BSCL2: variants seen among roughly 807,000 people sequenced by gnomAD.
BSCL2 encodes seipin.
BSCL2 carries 41 observed loss-of-function variants against 57.4 expected under a neutral mutation model. The ratio of observed to expected loss-of-function variants is 0.71; its 90% CI spans 0.56 to 0.93. The LOEUF (loss-of-function observed/expected upper bound fraction) is 0.93, where lower values mean the gene tolerates loss of function less well. Ranked by LOEUF, BSCL2 falls within the 40% of genes least tolerant of loss-of-function variation. The probability of loss-of-function intolerance (pLI) is 0.00; values close to 1 mark genes in which losing one functional copy is unlikely to be tolerated. For missense variants in BSCL2, 539 were observed against 586.7 expected (o/e 0.92, Z 0.84); for synonymous variants, 237 against 227.3 (o/e 1.04, Z -0.38).
At chr11:62,704,187 C>G (rs1590883832) in intron 2 of BSCL2, among the ~76,000 whole-genome samples, 1 of 145,210 alleles carries the variant, frequency 6.9e-6, no homozygotes, top group East Asian at 2.1e-4. Context: ...TGGCTCACGT[C>G]TGTAATCCCA....
intron 3 of BSCL2, among the ~76,000 whole-genome samples, chr11:62,696,103 G>A (rs998204342): frequency 1.3e-5 from 2 of 152,148 alleles, no homozygotes; most frequent in Admixed American, 6.5e-5. Context: ...CCCGAGAGGC[G>A]GAGGTTGCAG....
intron 3 of BSCL2, among the ~76,000 whole-genome samples, chr11:62,701,177 C>T (rs1945627009): frequency 6.6e-6 from 1 of 152,080 alleles, no homozygotes. Context: ...GGTAGATGCC[C>T]ATCTTATTCC....
intron 2 of BSCL2, among the ~76,000 whole-genome samples, chr11:62,703,151 A>T (rs1309339174): frequency 1.4e-4 from 1 of 6,936 alleles, no homozygotes; most frequent in Non-Finnish European, 3.1e-4. Context: ...ACTCCATCTC[A>T]AAAAAAAAAA....
At chr11:62,691,449 T>C in intron 6 of BSCL2, 28 bp from the exon 7 acceptor site, 3 of 1,612,714 alleles carry the variant, frequency 1.9e-6, no homozygotes, top group Non-Finnish European at 2.5e-6. Flanking sequence ...GACAAGAAGG[T>C]AGTAGCAGTT....
intron 1 of BSCL2, chr11:62,706,528 C>T: frequency 4.4e-6 from 2 of 451,688 alleles, no homozygotes; most frequent in Non-Finnish European, 8.9e-6. Flanking sequence ...CCCTGCAGGC[C>T]CCAAGATGTG....
chr11:62,692,948 C>T lies in BSCL2; in HGVS notation c.631-151G>A, dbSNP rs570919057. On this transcript the variant is annotated intron_variant, in intron 4 of 10. Coordinates refer to ENST00000360796, the MANE Select transcript of BSCL2 (RefSeq NM_001122955.4). ...ACCTTCACTTCCTACCCCTCAGTCT[C>T]ATCCAACCATTCCAATTGCTTGAGT... is the stretch of plus-strand genomic sequence containing the variant. 1.5e-5 allele frequency: 14 copies of T among 943,584 alleles called. No individual in the cohort carries two copies. The African/African-American group carries it at 1.8e-4, about 12-fold the overall frequency. The allele number at this position is 943,584 out of a possible 1,614,324, so 58.5% of individuals were successfully genotyped here.
intron 3 of BSCL2, among the ~76,000 whole-genome samples, chr11:62,695,407 T>TAA (rs779692168): frequency 4.4e-5 from 6 of 136,262 alleles, no homozygotes; most frequent in Admixed American, 7.3e-5. Context: ...GGTAATGGGT[T>TAA]AAAAAAAAAA....
chr11:62,702,291 C>T (rs1456101998), intron 3 of BSCL2, among the ~76,000 whole-genome samples, 177 bp downstream of exon 3: 1 of 152,188 alleles, frequency 6.6e-6, no homozygotes, highest in East Asian at 1.9e-4. Context: ...GTCTCGAACT[C>T]CCAACCTCAG....
chr11:62,705,584 A>C lies in BSCL2; in HGVS notation c.121T>G (p.Trp41Gly). The change falls in exon 2 of 11, where the codon TGG (tryptophan) becomes GGG (glycine). Residue 41 changes from tryptophan (W) to glycine (G), a missense_variant. Trp to Gly is a radical substitution (Grantham distance 184, BLOSUM62 -2). Coordinates refer to ENST00000360796, the MANE Select transcript of BSCL2 (RefSeq NM_001122955.4). ...CTAGCTGCTCTGCCACCTGGACGCCACCCCTGGCCATGGGATGCAGCAGCT... is the reference window on the plus strand; with the variant it reads ...CTAGCTGCTCTGCCACCTGGACGCCCCCCCTGGCCATGGGATGCAGCAGCT... ...PPAAASHGQG[W>G]RPGGRAARNA... 6.4e-7 allele frequency: 1 copy of C among 1,566,378 alleles called. No individual in the cohort carries two copies. The highest frequency in any genetic ancestry group is 8.7e-7 in the Non-Finnish European group (1 of 1,152,376).
chr11:62,708,050 C>T (rs2134751018), upstream of BSCL2: 2 of 543,602 alleles, frequency 3.7e-6, no homozygotes, highest in Non-Finnish European at 6.6e-6. Flanking sequence ...AGCCTTAAAT[C>T]ATTTGTGTAA....
chr11:62,694,198 T>A (rs1410964026), intron 4 of BSCL2, among the ~76,000 whole-genome samples: 2 of 76,048 alleles, frequency 2.6e-5, no homozygotes, highest in African/African-American at 6.1e-5. Context: ...AGACATTCTT[T>A]TTTTTTTTTT....
chr11:62,693,089 T>C (rs1201055290), intron 4 of BSCL2, among the ~76,000 whole-genome samples: 1 of 152,202 alleles, frequency 6.6e-6, no homozygotes, highest in South Asian at 2.1e-4. Context: ...CAAGTAGTTC[T>C]GTAATCCAGT....
Position 62,705,623 on chromosome 11 carries a change from AAG to A in BSCL2, c.88-8_88-7del. On this transcript the variant is annotated splice_region_variant and splice_polypyrimidine_tract_variant and intron_variant, in intron 1 of 10. Coordinates refer to ENST00000360796, the MANE Select transcript of BSCL2 (RefSeq NM_001122955.4). Reference sequence around the variant, plus strand: ...GATGCAGCAGCTGGTGGTTCCTGGAAAGAGAGGGTGAGGGAAAAGAGTGACTC... The same window carrying A: ...GATGCAGCAGCTGGTGGTTCCTGGAAAGAGGGTGAGGGAAAAGAGTGACTC... 2 of 1,511,798 alleles carry A rather than the reference AAG, an allele frequency of 1.3e-6. No individual in the cohort carries two copies. The highest frequency in any genetic ancestry group is 1.8e-6 in the Non-Finnish European group (2 of 1,124,692). The allele number at this position is 1,511,798 out of a possible 1,614,324, so 93.6% of individuals were successfully genotyped here. A position where few individuals can be genotyped will look rare whatever the true frequency, so the allele number is the denominator to read the frequency against.
chr11:62,698,253 C>T (rs890546085), intron 3 of BSCL2, among the ~76,000 whole-genome samples: 23 of 150,672 alleles, frequency 1.5e-4, no homozygotes, highest in African/African-American at 5.6e-4. Flanking sequence ...GGCTGGAGTA[C>T]AGTGGCATGA....
At position 62,705,347 on chromosome 11, in the gene BSCL2, A is replaced by G; in HGVS notation, c.358T>C (p.Tyr120His). The change falls in exon 2 of 11, where the codon TAT becomes CAT. Residue 120 changes from tyrosine (Y) to histidine (H), a missense_variant. Coordinates refer to ENST00000360796, the MANE Select transcript of BSCL2 (RefSeq NM_001122955.4). ...CTGAGGTGGCTGACTGTCGGCATAT[A>G]GGAATAGTAGAAGGAGCCATAGAGG... ...VFLYGSFYYS[Y>H]MPTVSHLSPV... 6.2e-7 allele frequency: 1 copy of G among 1,613,984 alleles called. No individual in the cohort carries two copies. Among genetic ancestry groups the G allele is most frequent in the Non-Finnish European group, 8.5e-7 (1 of 1,179,948 alleles).
At chr11:62,707,700 G>A, upstream of BSCL2, 1 of 358,020 alleles carries the variant, frequency 2.8e-6, no homozygotes, top group South Asian at 2.6e-5. Flanking sequence ...CATCCTTCAG[G>A]TACCAGCCAT....
Position 62,707,175 on chromosome 11 carries a change from G to T in BSCL2, c.21C>A (p.Asp7Glu). 1.3e-6 allele frequency: 2 copies of T among 1,553,520 alleles called. No individual in the cohort carries two copies. Among genetic ancestry groups the T allele is most frequent in the Non-Finnish European group, 1.7e-6 (2 of 1,147,560 alleles). Residue 7 changes from aspartate to glutamate, a missense_variant, in exon 1 of 11, where the codon GAC becomes GAA. This residue lies in a region of BSCL2 where 218 missense variants were observed against 224.8 expected (regional missense o/e 0.97). Transcript: ENST00000360796. MSTEKV[D>E]QKEEAGEKEV... is the part of the protein sequence containing the mutation. Reference sequence around the variant, plus strand: ...CTTTTTCCCCAGCTTCCTCCTTTTGGTCTACCTTTTCTGTAGACATCTTCC... The same window carrying T: ...CTTTTTCCCCAGCTTCCTCCTTTTGTTCTACCTTTTCTGTAGACATCTTCC...
upstream of BSCL2, chr11:62,707,591 G>A: frequency 1.8e-6 from 1 of 560,160 alleles, no homozygotes; most frequent in South Asian, 2.0e-5. Flanking sequence ...GTGAACTAGC[G>A]ACAGTGGGGG....
chr11:62,694,823 C>G, intron 3 of BSCL2, 112 bp from the exon 4 acceptor site: 1 of 1,314,174 alleles, frequency 7.6e-7, no homozygotes, highest in South Asian at 1.3e-5. Context: ...CAGCCACAAC[C>G]CTCTTGGGTA....
Sources: allele counts gnomAD v4.1 joint callset (sites outside exome capture counted in the v4.1 genomes callset), GRCh38; gene constraint gnomAD v4.1.1; regional missense constraint gnomAD v4.1.1; transcripts MANE v1.5; gene names NCBI Gene and HGNC (gene_info 2026-07-23, HGNC 2026-07-21).